FOXO3: variants seen among roughly 807,000 people sequenced by gnomAD.
The protein encoded by FOXO3 is forkhead box O3, also known as forkhead box protein O3.
A neutral mutation model predicts 41.9 loss-of-function variants in FOXO3; 4 were observed. The ratio of observed to expected loss-of-function variants is 0.10; its 90% confidence interval spans 0.05 to 0.22. The LOEUF is 0.22. FOXO3 is among the 10% of genes least tolerant of loss of function. FOXO3 has a pLI of 1.00. For missense variants in FOXO3, 534 were observed against 906.8 expected, an observed-to-expected ratio of 0.59 and a Z score of 5.28; for synonymous variants, 318 against 389.3, an observed-to-expected ratio of 0.82 and a Z score of 2.16.
chr6:108,595,425 T>C (rs577692102), intron 1 of FOXO3, among the ~76,000 whole-genome samples: 1 of 152,360 alleles, frequency 6.6e-6, no homozygotes, highest in Admixed American at 6.5e-5. Flanking sequence ...AGCATACTCA[T>C]TGTTTTGTAA....
chr6:108,662,231 G>A (rs1263922257), intron 1 of FOXO3, among the ~76,000 whole-genome samples: 3 of 152,046 alleles, frequency 2.0e-5, no homozygotes, highest in African/African-American at 7.2e-5. Context: ...TGAGGTTATG[G>A]GCTTTGGAAG....
chr6:108,576,988 G>T (rs1776280570), intron 1 of FOXO3, among the ~76,000 whole-genome samples: 1 of 152,086 alleles, frequency 6.6e-6, no homozygotes, highest in Non-Finnish European at 1.5e-5. Flanking sequence ...AAACCCATTT[G>T]TCAGTGTGGT....
At chr6:108,657,152 G>A (rs948595281) in intron 1 of FOXO3, among the ~76,000 whole-genome samples, 2 of 152,168 alleles carry the variant, frequency 1.3e-5, no homozygotes, top group African/African-American at 4.8e-5. Context: ...AAGAGAAGAT[G>A]GACATAAAAA....
intron 1 of FOXO3, among the ~76,000 whole-genome samples, chr6:108,596,724 T>C (rs183598014): frequency 2.0e-5 from 3 of 152,270 alleles, no homozygotes; most frequent in African/African-American, 7.2e-5. Flanking sequence ...TGATCTGTGG[T>C]TTAAAAAAAG....
At chr6:108,578,294 CTCTTTTA>C (rs1477138092) in intron 1 of FOXO3, among the ~76,000 whole-genome samples, 5 of 152,206 alleles carry the variant, frequency 3.3e-5, no homozygotes, top group Non-Finnish European at 7.3e-5. Flanking sequence ...TTCAGAACCA[CTCTTTTA>C]AAGTCATTTG....
In FOXO3 at chr6:108,664,637, A is replaced by G; in HGVS notation, c.1804A>G (p.Met602Val). ...LYSTSANLPV[M>V]GHEKFPSDLD... ...CTCAACTAGTGCAAACCTGCCCGTC[A>G]TGGGCCATGAGAAGTTCCCCAGCGA... The change falls in exon 2 of 3, where the codon ATG (methionine) becomes GTG (valine). Residue 602 changes from methionine (M) to valine (V), a missense_variant. This residue lies in a region of FOXO3 where 94 missense variants were observed against 214.4 expected (regional missense o/e 0.44). Coordinates refer to ENST00000406360, the MANE Select transcript of FOXO3 (RefSeq NM_001455.4). 4.0e-6 allele frequency: 4 copies of G among 996,710 alleles called. No homozygotes were observed. Among genetic ancestry groups the G allele is most frequent in the East Asian group, 2.4e-5 (1 of 41,642 alleles). The allele number at this position is 996,710 out of a possible 1,614,324, so 61.7% of individuals were successfully genotyped here. A position where few individuals can be genotyped will look rare whatever the true frequency, so the allele number is the denominator to read the frequency against.
intron 1 of FOXO3, among the ~76,000 whole-genome samples, chr6:108,649,515 C>CTTTT (rs886836999): frequency 4.2e-5 from 4 of 95,204 alleles, no homozygotes; most frequent in African/African-American, 4.3e-5. Context: ...CCACCCTCAG[C>CTTTT]TTTTTTTTTT....
intron 1 of FOXO3, among the ~76,000 whole-genome samples, chr6:108,645,457 G>C (rs1179340090): frequency 7.0e-6 from 1 of 142,574 alleles, no homozygotes; most frequent in Non-Finnish European, 1.5e-5. Context: ...CCCCAGAATT[G>C]CTTTTTTTTT....
At chr6:108,574,692 C>G (rs1776213719) in intron 1 of FOXO3, among the ~76,000 whole-genome samples, 1 of 152,090 alleles carries the variant, frequency 6.6e-6, no homozygotes, top group African/African-American at 2.4e-5. Flanking sequence ...TACTGAAGAG[C>G]CTACTTGCTT....
At chr6:108,665,384 C>T (rs1262032429) in intron 2 of FOXO3, among the ~76,000 whole-genome samples, 2 of 152,136 alleles carry the variant, frequency 1.3e-5, no homozygotes, top group East Asian at 3.8e-4. Flanking sequence ...AAGTAATGAT[C>T]GGCAGGTACT....
chr6:108,635,219 T>G (rs1778089869), intron 1 of FOXO3, among the ~76,000 whole-genome samples: 2 of 152,050 alleles, frequency 1.3e-5, no homozygotes, highest in Non-Finnish European at 2.9e-5. Flanking sequence ...GAGAATTTCT[T>G]GAACCCGGGA....
chr6:108,639,649 C>T (rs922554897), intron 1 of FOXO3: 2 of 787,094 alleles, frequency 2.5e-6, no homozygotes, highest in Non-Finnish European at 3.1e-6. Flanking sequence ...CAAACCTCCC[C>T]CTGCTGAAAA....
chr6:108,649,377 G>C (rs1389300223), intron 1 of FOXO3, among the ~76,000 whole-genome samples: 1 of 152,144 alleles, frequency 6.6e-6, no homozygotes, highest in Non-Finnish European at 1.5e-5. Context: ...AGATAGTCTA[G>C]AACAAAGACC....
At chr6:108,613,356 C>T (rs974209471) in intron 1 of FOXO3, among the ~76,000 whole-genome samples, 1 of 101,024 alleles carries the variant, frequency 9.9e-6, no homozygotes, top group African/African-American at 2.5e-5. Flanking sequence ...CCATCAGAGC[C>T]TGGAGTTTTT....
chr6:108,663,801 G>A lies in FOXO3; in HGVS notation c.968G>A (p.Arg323His), dbSNP rs757458761. 22 of 1,613,732 alleles carry A rather than the reference G, an allele frequency of 1.4e-5. No individual in the cohort carries two copies. The highest frequency in any genetic ancestry group is 6.7e-5 in the East Asian group (3 of 44,872). Residue 323 changes from arginine (R) to histidine (H), a missense_variant, in exon 2 of 3, where the codon CGC (arginine) becomes CAC (histidine). By Grantham distance (29) the Arg-to-His change is conservative (BLOSUM62 0). Around this residue, in one of 8 missense-constraint regions of FOXO3, gnomAD observed 185 missense variants for 224.9 expected, o/e 0.82. Transcript: ENST00000406360. ...TNSNASTVSG[R>H]LSPIMASTEL... ...TCTAACGCCAGCACAGTCAGTGGCC[G>A]CCTGTCGCCCATCATGGCAAGCACA... is the stretch of plus-strand genomic sequence containing the variant.
At chr6:108,585,111 G>A (rs1776540580) in intron 1 of FOXO3, among the ~76,000 whole-genome samples, 1 of 124,460 alleles carries the variant, frequency 8.0e-6, no homozygotes, top group African/African-American at 3.0e-5. Context: ...GCGCAATCTC[G>A]GCTCACTGCA....
intron 1 of FOXO3, among the ~76,000 whole-genome samples, chr6:108,595,959 A>AG (rs1776871778): frequency 6.6e-6 from 1 of 152,206 alleles, no homozygotes; most frequent in African/African-American, 2.4e-5. Flanking sequence ...TAATGGTGGC[A>AG]GGCCCTGGTC....
At chr6:108,593,663 C>T (rs1300105128) in intron 1 of FOXO3, among the ~76,000 whole-genome samples, 2 of 151,464 alleles carry the variant, frequency 1.3e-5, no homozygotes. Flanking sequence ...CAGGTGTGAG[C>T]CACTGAACCC....
chr6:108,654,792 A>C (rs991892623), intron 1 of FOXO3, among the ~76,000 whole-genome samples: 3 of 151,182 alleles, frequency 2.0e-5, no homozygotes, highest in African/African-American at 7.3e-5. Context: ...TTTAGGCAAG[A>C]GTAGAGTGGA....
Sources: allele counts gnomAD v4.1 joint callset (sites outside exome capture counted in the v4.1 genomes callset), GRCh38; gene constraint gnomAD v4.1.1; regional missense constraint gnomAD v4.1.1; transcripts MANE v1.5; gene names NCBI Gene and HGNC (gene_info 2026-07-23, HGNC 2026-07-21).